Variants in KL observed in about 807,000 individuals in gnomAD.
KL encodes klotho.
A neutral mutation model predicts 84.2 loss-of-function variants in KL; 62 were observed. The ratio of observed to expected loss-of-function variants is 0.74; its 90% CI spans 0.60 to 0.91. The LOEUF (loss-of-function observed/expected upper bound fraction) is 0.91. KL is among the 40% of genes least tolerant of loss of function. The pLI, the probability that KL is intolerant of heterozygous loss-of-function variation, is 0.00. For missense variants in KL, 1,261 were observed against 1,305.7 expected (o/e 0.97, Z 0.53); for synonymous variants, 528 against 528.0 (o/e 1.00, Z 0.00).
rs1174259375 is a variant in KL at position 33,065,152 on chromosome 13, G to A, written c.*966G>A. ...GAAATAATCACTCATTCTATGAACA[G>A]TGACACTACTTTCTATTCTTTAGCT... On this transcript the variant is annotated 3_prime_UTR_variant, in exon 5 of 5. Transcript: ENST00000380099. 3 of 223,520 alleles carry A rather than the reference G, an allele frequency of 1.3e-5. No homozygotes were observed. The highest frequency in any genetic ancestry group is 2.7e-5 in the Non-Finnish European group (3 of 111,846). 13.8% of individuals were successfully genotyped at this position (223,520 alleles called of 1,614,324 possible). A position where few individuals can be genotyped will look rare whatever the true frequency, so the allele number is the denominator to read the frequency against.
chr13:33,021,699 A>G lies in KL; in HGVS notation c.819+4440A>G, dbSNP rs1353507343. ...GGAGTTTGAGAACAGCCTGGCCAAC[A>G]TGGTGAAACCCCGTCTCTACTAAAA... On this transcript the variant is annotated intron_variant, in intron 1 of 4. Transcript: ENST00000380099. Among the ~76,000 whole-genome samples, 3 of 152,268 alleles carry G rather than the reference A, an allele frequency of 2.0e-5. No homozygotes were observed. The South Asian group carries it at 6.2e-4, about 32-fold the overall frequency.
Position 33,061,067 on chromosome 13 carries a change from C to T in KL, c.1988C>T (p.Ala663Val). ...GGCGCCTGGGAGAACCCCTACACTG[C>T]CCTGGCCTTTGCAGAGTATGCCCGA... is the stretch of plus-strand genomic sequence containing the variant. Reference protein sequence around the residue: ...RQGAWENPYTALAFAEYARLC... With the variant: ...RQGAWENPYTVLAFAEYARLC... The change falls in exon 4 of 5, where the codon GCC (alanine) becomes GTC (valine). Residue 663 changes from alanine to valine, a missense_variant. Coordinates refer to ENST00000380099, the MANE Select transcript of KL (RefSeq NM_004795.4). The T allele has an allele frequency of 2.5e-6, 4 of 1,612,986 alleles. No homozygotes were observed. The highest frequency in any genetic ancestry group is 3.4e-6 in the Non-Finnish European group (4 of 1,179,270).
At chr13:33,048,149 G>T (rs1871606852) in intron 1 of KL, among the ~76,000 whole-genome samples, 1 of 151,688 alleles carries the variant, frequency 6.6e-6, no homozygotes. Context: ...TTAATTAAGG[G>T]TTTCATTTTC....
chr13:33,023,471 T>G (rs1718592256), intron 1 of KL, among the ~76,000 whole-genome samples: 2 of 152,206 alleles, frequency 1.3e-5, no homozygotes, highest in Admixed American at 1.3e-4. Flanking sequence ...CTACTTAATT[T>G]GCCTCTTCTT....
chr13:33,052,145 A>G (rs1431148117), intron 1 of KL, among the ~76,000 whole-genome samples: 9 of 152,110 alleles, frequency 5.9e-5, no homozygotes, highest in Non-Finnish European at 1.3e-4. Flanking sequence ...TTTGGTAGAA[A>G]TGGGGTCTCA....
At chr13:33,060,646 A>C (rs764273885) in intron 3 of KL, 33 bp from the exon 4 acceptor site, 1 of 1,613,924 alleles carries the variant, frequency 6.2e-7, no homozygotes, top group Non-Finnish European at 8.5e-7. Flanking sequence ...AGGACTGCCC[A>C]GGTGACGCTA....
chr13:33,038,116 T>C (rs779577120), intron 1 of KL, among the ~76,000 whole-genome samples: 17 of 152,226 alleles, frequency 1.1e-4, no homozygotes, highest in Admixed American at 9.2e-4. Flanking sequence ...TTTGAGCATA[T>C]GACTGATCAT....
At chr13:33,024,687 T>C (rs1265133704) in intron 1 of KL, among the ~76,000 whole-genome samples, 1 of 152,180 alleles carries the variant, frequency 6.6e-6, no homozygotes, top group East Asian at 1.9e-4. Context: ...GCCTGTCCTC[T>C]CTTCTCTTTG....
chr13:33,018,647 C>T (rs1870459325), intron 1 of KL, among the ~76,000 whole-genome samples: 1 of 152,156 alleles, frequency 6.6e-6, no homozygotes, highest in African/African-American at 2.4e-5. Flanking sequence ...ACTCTAAAGA[C>T]CACCAGTGTA....
chr13:33,027,627 C>T (rs1593791738), intron 1 of KL, among the ~76,000 whole-genome samples: 1 of 152,166 alleles, frequency 6.6e-6, no homozygotes, highest in African/African-American at 2.4e-5. Flanking sequence ...CATTCAATTC[C>T]ATCTCCTTGT....
Position 33,055,267 on chromosome 13 carries a change from G to A in KL, c.1551G>A (p.Gly517=), listed in dbSNP as rs1327939616. Residue 517 remains glycine, a synonymous_variant, in exon 3 of 5, where the codon GGG becomes GGA. Transcript: ENST00000380099. ...TACCTGAAAATCAGCCCCTAGAAGG[G>A]ACATTTCCCTGTGACTTTGCTTGGG... The part of the protein sequence containing the change: ...PPLPENQPLE[G]TFPCDFAWGV... 2 of 1,614,042 alleles carry A rather than the reference G, an allele frequency of 1.2e-6. No individual in the cohort carries two copies. The highest frequency in any genetic ancestry group is 1.1e-5 in the South Asian group (1 of 91,084).
rs1871855463 is a variant in KL, at chr13:33,054,018, A to G, written c.1071A>G (p.Lys357=). The change falls in exon 2 of 5, where the codon AAA becomes AAG. Residue 357 remains lysine, a synonymous_variant. Coordinates refer to ENST00000380099, the MANE Select transcript of KL (RefSeq NM_004795.4). ...TGCCTGATTTTACTGAATCTGAGAA[A>G]AAGTTCATCAAAGGAACTGCTGACT... ...SILPDFTESE[K]KFIKGTADFF... 1 of 1,613,144 alleles carries G rather than the reference A, an allele frequency of 6.2e-7. No individual in the cohort carries two copies. The highest frequency in any genetic ancestry group is 8.5e-7 in the Non-Finnish European group (1 of 1,179,226).
intron 1 of KL, among the ~76,000 whole-genome samples, chr13:33,020,051 A>G (rs560255497): frequency 2.2e-4 from 34 of 152,288 alleles, no homozygotes; most frequent in African/African-American, 8.2e-4. Flanking sequence ...CAAGTTGGAA[A>G]TACACGTGTT....
intron 1 of KL, among the ~76,000 whole-genome samples, chr13:33,043,247 A>T: frequency 6.8e-6 from 1 of 146,394 alleles, no homozygotes; most frequent in African/African-American, 2.5e-5. Flanking sequence ...TTTTTGAGGC[A>T]GCATCTCACT....
chr13:33,032,715 A>G (rs961472133), intron 1 of KL, among the ~76,000 whole-genome samples: 5 of 152,158 alleles, frequency 3.3e-5, no homozygotes, highest in Non-Finnish European at 7.4e-5. Flanking sequence ...GCCAGGTTAT[A>G]TCGTAAAAGA....
intron 1 of KL, among the ~76,000 whole-genome samples, chr13:33,044,754 G>C (rs1008884049): frequency 2.7e-5 from 4 of 146,464 alleles, no homozygotes; most frequent in Non-Finnish European, 4.5e-5. Context: ...GGGCTGAAGG[G>C]AGCCTCTCAC....
At chr13:33,051,648 C>A (rs1193709628) in intron 1 of KL, among the ~76,000 whole-genome samples, 1 of 152,212 alleles carries the variant, frequency 6.6e-6, no homozygotes, top group Non-Finnish European at 1.5e-5. Flanking sequence ...ACCTCCTCCT[C>A]TGAGCCTTGT....
chr13:33,058,106 C>T (rs182226063), intron 3 of KL, among the ~76,000 whole-genome samples: 2 of 152,226 alleles, frequency 1.3e-5, no homozygotes, highest in East Asian at 3.9e-4. Flanking sequence ...CCCATAACCA[C>T]GGATGCTCAT....
At chr13:33,059,936 T>C (rs1001341232) in intron 3 of KL, among the ~76,000 whole-genome samples, 3 of 152,226 alleles carry the variant, frequency 2.0e-5, no homozygotes, top group Non-Finnish European at 4.4e-5. Flanking sequence ...TAAATATCTT[T>C]TCATTTTCTT....
Sources: allele counts gnomAD v4.1 joint callset (sites outside exome capture counted in the v4.1 genomes callset), GRCh38; gene constraint gnomAD v4.1.1; transcripts MANE v1.5; gene names NCBI Gene and HGNC (gene_info 2026-07-23, HGNC 2026-07-21).